The following KCNJ2 variants were observed in gnomAD, a reference collection of about 807,000 sequenced individuals.
KCNJ2 encodes the protein inward rectifier potassium channel 2.
KCNJ2 carries 12 observed loss-of-function variants against 28.4 expected under a neutral mutation model. The ratio of observed to expected loss-of-function variants is 0.42; its 90% CI spans 0.27 to 0.68. The LOEUF (loss-of-function observed/expected upper bound fraction) is 0.68. KCNJ2 is among the 30% of genes least tolerant of loss of function. The pLI is 0.23. For missense variants in KCNJ2, 320 were observed against 551.3 expected, an observed-to-expected ratio of 0.58 and a Z score of 4.20; for synonymous variants, 200 against 203.2, an observed-to-expected ratio of 0.98 and a Z score of 0.13.
At position 70,175,880 on chromosome 17, in the gene KCNJ2, G is replaced by C; in HGVS notation, c.841G>C (p.Asp281His). The C allele has an allele frequency of 6.2e-7, 1 of 1,614,166 alleles. No individual in the cohort carries two copies. Among genetic ancestry groups the C allele is most frequent in the South Asian group, 1.1e-5 (1 of 91,070 alleles). The change falls in exon 2 of 2, where the codon GAT (aspartate) becomes CAT (histidine). Residue 281 changes from aspartate to histidine, a missense_variant. Coordinates refer to ENST00000243457, the MANE Select transcript of KCNJ2 (RefSeq NM_000891.3). This position sits in a 1 kb window ranked among gnomAD's most constrained non-coding sequence, Gnocchi z 8.3. ...HEIDEDSPLY[D>H]LSKQDIDNAD... ...AATAGATGAAGACAGTCCTTTATAT[G>C]ATTTGAGTAAACAGGACATTGACAA...
rs1287733754 is a variant in KCNJ2 at position 70,178,235 on chromosome 17, T to G, written c.*1912T>G. 1 of 167,050 alleles carries G rather than the reference T, an allele frequency of 6.0e-6. No homozygotes were observed. The highest frequency in any genetic ancestry group is 1.5e-5 in the Non-Finnish European group (1 of 68,108). The allele number at this position is 167,050 out of a possible 1,614,324, so 10.3% of individuals were successfully genotyped here. On this transcript the variant is annotated 3_prime_UTR_variant, in exon 2 of 2. Transcript: ENST00000243457. ...CTTGAACAGCCATATCTGAATGCCGTGCCTGCAAAACTATGACAATTTTTG... is the reference window on the plus strand; with the variant it reads ...CTTGAACAGCCATATCTGAATGCCGGGCCTGCAAAACTATGACAATTTTTG...
chr17:70,170,055 A>T (rs992476189), intron 1 of KCNJ2, among the ~76,000 whole-genome samples: 3 of 151,982 alleles, frequency 2.0e-5, no homozygotes, highest in South Asian at 4.1e-4. Context: ...TCTCACTCTA[A>T]GTGGGGAAAA....
At position 70,176,329 on chromosome 17, in the gene KCNJ2, T is replaced by C. The variant is rs2074393093; in HGVS notation, c.*6T>C. On this transcript the variant is annotated 3_prime_UTR_variant, in exon 2 of 2. Coordinates refer to ENST00000243457, the MANE Select transcript of KCNJ2 (RefSeq NM_000891.3). ...GGCGAGAGTCGGAGATATGACTGAC[T>C]GATTCCTTCTCTGGAATAGTTACTT... is the stretch of plus-strand genomic sequence containing the variant. 6.2e-7 allele frequency: 1 copy of C among 1,612,590 alleles called. No individual in the cohort carries two copies. The highest frequency in any genetic ancestry group is 1.1e-5 in the South Asian group (1 of 91,068).
In KCNJ2 at chr17:70,175,726, A is replaced by G. The variant is rs1276042254; in HGVS notation, c.687A>G (p.Ala229=). 32 of 1,614,112 alleles carry G rather than the reference A, an allele frequency of 2.0e-5. No individual in the cohort carries two copies. In the East Asian group the frequency reaches 6.7e-4, roughly 34 times the overall value. ...ACTTGGTGGAAGCTCATGTTCGAGCACAGCTCCTCAAATCCAGAATTACTT... is the reference window on the plus strand; with the variant it reads ...ACTTGGTGGAAGCTCATGTTCGAGCGCAGCTCCTCAAATCCAGAATTACTT... The part of the protein sequence containing the change: ...KSHLVEAHVR[A]QLLKSRITSE... The change falls in exon 2 of 2, where the codon GCA becomes GCG. Residue 229 remains alanine, a synonymous_variant. Transcript: ENST00000243457. This position sits in a 1 kb window ranked among gnomAD's most constrained non-coding sequence, Gnocchi z 8.3.
In KCNJ2 at chr17:70,175,955, G is replaced by A. The variant is rs1453511355; in HGVS notation, c.916G>A (p.Ala306Thr). 6.2e-7 allele frequency: 1 copy of A among 1,613,992 alleles called. No individual in the cohort carries two copies. Among genetic ancestry groups the A allele is most frequent in the African/African-American group, 1.3e-5 (1 of 74,876 alleles). ...VILEGMVEAT[A>T]MTTQCRSSYL... ...ACTGGAAGGCATGGTGGAAGCCACTGCCATGACGACACAGTGCCGTAGCTC... is the reference window on the plus strand; with the variant it reads ...ACTGGAAGGCATGGTGGAAGCCACTACCATGACGACACAGTGCCGTAGCTC... Residue 306 changes from alanine (A) to threonine (T), a missense_variant, in exon 2 of 2, where the codon GCC becomes ACC. By Grantham distance (58) the Ala-to-Thr change is moderately conservative (BLOSUM62 0). Transcript: ENST00000243457. This position sits in a 1 kb window ranked among gnomAD's most constrained non-coding sequence, Gnocchi z 8.3.
intron 1 of KCNJ2, among the ~76,000 whole-genome samples, chr17:70,172,287 A>G (rs73998780): frequency 0.06 from 8,580 of 142,402 alleles, 913 homozygotes; most frequent in African/African-American, 0.22. Flanking sequence ...ATATCTATTT[A>G]AAGTGGCAAA....
rs986469673 is a variant in KCNJ2 at position 70,177,666 on chromosome 17, CAG to C, written c.*1344_*1345del. The C allele has an allele frequency of 1.2e-5, 2 of 167,160 alleles. No individual in the cohort carries two copies. Among genetic ancestry groups the C allele is most frequent in the Admixed American group, 1.3e-4 (2 of 15,276 alleles). The allele number at this position is 167,160 out of a possible 1,614,324, so 10.4% of individuals were successfully genotyped here. A position where few individuals can be genotyped will look rare whatever the true frequency, so the allele number is the denominator to read the frequency against. On this transcript the variant is annotated 3_prime_UTR_variant, in exon 2 of 2. Transcript: ENST00000243457. ...GGCGGCAAATGCCAAAGCAGGGAAA[CAG>C]GGAGGTGTGGACAAGCCAGTTTGAT... is the stretch of plus-strand genomic sequence containing the variant.
intron 1 of KCNJ2, among the ~76,000 whole-genome samples, chr17:70,169,948 T>G (rs2074355862): frequency 6.6e-6 from 1 of 152,198 alleles, no homozygotes; most frequent in South Asian, 2.1e-4. Context: ...TAGAAACAGA[T>G]TTCTCTGCAG....
Position 70,175,819 on chromosome 17 carries a change from T to G in KCNJ2, c.780T>G (p.Arg260=). 6.2e-7 allele frequency: 1 copy of G among 1,614,230 alleles called. No individual in the cohort carries two copies. The highest frequency in any genetic ancestry group is 8.5e-7 in the Non-Finnish European group (1 of 1,180,040). The change falls in exon 2 of 2, where the codon CGT becomes CGG. Residue 260 remains arginine (R), a synonymous_variant. Coordinates refer to ENST00000243457, the MANE Select transcript of KCNJ2 (RefSeq NM_000891.3). This position sits in a 1 kb window ranked among gnomAD's most constrained non-coding sequence, Gnocchi z 8.3. ...INVGFDSGID[R]IFLVSPITIV... ...TTGGGTTTGACAGTGGAATCGATCG[T>G]ATATTTCTGGTGTCCCCAATCACTA...
chr17:70,174,769 T>C, intron 1 of KCNJ2, 55 bp from the exon 2 acceptor site: 1 of 525,622 alleles, frequency 1.9e-6, no homozygotes, highest in Non-Finnish European at 3.4e-6. Context: ...TCTTAGACAG[T>C]AGAATTCTTT....
At chr17:70,173,135 G>A (rs2074373746) in intron 1 of KCNJ2, among the ~76,000 whole-genome samples, 1 of 152,214 alleles carries the variant, frequency 6.6e-6, no homozygotes, top group African/African-American at 2.4e-5. Context: ...GGAAAAATGT[G>A]TTGGGGCACA....
In KCNJ2 at chr17:70,175,114, A is replaced by G. The variant is rs1217136489; in HGVS notation, c.75A>G (p.Ala25=). The G allele has an allele frequency of 6.2e-7, 1 of 1,614,222 alleles. No individual in the cohort carries two copies. The highest frequency in any genetic ancestry group is 1.1e-5 in the South Asian group (1 of 91,084). Residue 25 remains alanine, a synonymous_variant, in exon 2 of 2, where the codon GCA becomes GCG. Transcript: ENST00000243457. This position sits in a 1 kb window ranked among gnomAD's most constrained non-coding sequence, Gnocchi z 8.3. ...ACGGTATGAAGTTGGCCACCATGGC[A>G]GTTGCAAATGGCTTTGGGAACGGGA... ...EEDGMKLATM[A]VANGFGNGKS...
chr17:70,173,567 A>T (rs753353218), intron 1 of KCNJ2, among the ~76,000 whole-genome samples: 5 of 152,224 alleles, frequency 3.3e-5, no homozygotes, highest in Non-Finnish European at 5.9e-5. Context: ...ATAGTTTCTT[A>T]GGAGTGAAGA....
chr17:70,175,867 C>T lies in KCNJ2; in HGVS notation c.828C>T (p.Asp276=), dbSNP rs1244976641. 4 of 1,614,028 alleles carry T rather than the reference C, an allele frequency of 2.5e-6. No homozygotes were observed. The highest frequency in any genetic ancestry group is 1.3e-5 in the African/African-American group (1 of 74,924). The change falls in exon 2 of 2, where the codon GAC becomes GAT. Residue 276 remains aspartate (D), a synonymous_variant. Transcript: ENST00000243457. This position sits in a 1 kb window ranked among gnomAD's most constrained non-coding sequence, Gnocchi z 8.3. ...CTATAGTCCATGAAATAGATGAAGA[C>T]AGTCCTTTATATGATTTGAGTAAAC... ...PITIVHEIDE[D]SPLYDLSKQD...
rs542977030 is a variant in KCNJ2 at position 70,177,686 on chromosome 17, A to G, written c.*1363A>G. 1 of 167,334 alleles carries G rather than the reference A, an allele frequency of 6.0e-6. No homozygotes were observed. The highest frequency in any genetic ancestry group is 2.1e-4 in the South Asian group (1 of 4,836). 10.4% of individuals were successfully genotyped at this position (167,334 alleles called of 1,614,324 possible). On this transcript the variant is annotated 3_prime_UTR_variant, in exon 2 of 2. Coordinates refer to ENST00000243457, the MANE Select transcript of KCNJ2 (RefSeq NM_000891.3). ...GGAAACAGGGAGGTGTGGACAAGCCAGTTTGATGCAGCACTTCAGATCAAG... is the reference window on the plus strand; with the variant it reads ...GGAAACAGGGAGGTGTGGACAAGCCGGTTTGATGCAGCACTTCAGATCAAG...
chr17:70,174,852 A>G lies in KCNJ2; in HGVS notation c.-188A>G. The stretch of plus-strand genomic sequence containing the variant: ...ATGTTCTCTGGATGTCAGCTGAGTC[A>G]TTAAAGTAACTCTGCATGTCAGTAG... On this transcript the variant is annotated 5_prime_UTR_variant, in exon 2 of 2. Coordinates refer to ENST00000243457, the MANE Select transcript of KCNJ2 (RefSeq NM_000891.3). The G allele has an allele frequency of 3.0e-6, 2 of 658,868 alleles. No homozygotes were observed. The highest frequency in any genetic ancestry group is 2.2e-5 in the Admixed American group (1 of 44,586). 40.8% of individuals were successfully genotyped at this position (658,868 alleles called of 1,614,324 possible). A position where few individuals can be genotyped will look rare whatever the true frequency, so the allele number is the denominator to read the frequency against.
chr17:70,175,035 A>T lies in KCNJ2; in HGVS notation c.-5A>T. On this transcript the variant is annotated 5_prime_UTR_variant, in exon 2 of 2. Coordinates refer to ENST00000243457, the MANE Select transcript of KCNJ2 (RefSeq NM_000891.3). The surrounding 1 kb of genome is among the most constrained non-coding windows in gnomAD (Gnocchi z 8.3). ...GCAGAAGCACTGGAGTCCCCAGCAGAAGCGATGGGCAGTGTGCGAACCAAC... is the reference window on the plus strand; with the variant it reads ...GCAGAAGCACTGGAGTCCCCAGCAGTAGCGATGGGCAGTGTGCGAACCAAC... 1 of 1,613,978 alleles carries T rather than the reference A, an allele frequency of 6.2e-7. No individual in the cohort carries two copies. The highest frequency in any genetic ancestry group is 1.7e-5 in the Admixed American group (1 of 60,014).
In KCNJ2 at chr17:70,179,041, A is replaced by G. The variant is rs2074411754; in HGVS notation, c.*2718A>G. ...CCTTTTTCTAGTTATTAGCGTTTTA[A>G]CAGTTACAAGCTTTAAATGGCAATT... On this transcript the variant is annotated 3_prime_UTR_variant, in exon 2 of 2. Coordinates refer to ENST00000243457, the MANE Select transcript of KCNJ2 (RefSeq NM_000891.3). 2 of 155,350 alleles carry G rather than the reference A, an allele frequency of 1.3e-5. No homozygotes were observed. Among genetic ancestry groups the G allele is most frequent in the Admixed American group, 7.1e-5 (1 of 14,116 alleles). The allele number at this position is 155,350 out of a possible 1,614,324, so 9.6% of individuals were successfully genotyped here. A position where few individuals can be genotyped will look rare whatever the true frequency, so the allele number is the denominator to read the frequency against.
intron 1 of KCNJ2, among the ~76,000 whole-genome samples, chr17:70,170,624 C>T (rs2074360243): frequency 6.6e-6 from 1 of 152,134 alleles, no homozygotes; most frequent in African/African-American, 2.4e-5. Context: ...GCAAAGAAAC[C>T]ATATTGCGTT....
Sources: gnomAD v4.1 joint callset for allele counts (sites outside exome capture counted in the v4.1 genomes callset) on GRCh38, gnomAD v4.1.1 for gene constraint, Gnocchi (gnomAD v3.1) non-coding constraint, MANE v1.5 for transcripts, NCBI Gene and HGNC (gene_info 2026-07-23, HGNC 2026-07-21) for gene names.